TAFA5: variants seen among roughly 807,000 people sequenced by gnomAD.
TAFA5 encodes TAFA chemokine like family member 5, also known as chemokine-like protein TAFA-5.
A neutral mutation model predicts 15.3 loss-of-function variants in TAFA5; 6 were observed. The observed-to-expected ratio is 0.39, with a 90% CI of 0.21 to 0.77. TAFA5 has a LOEUF of 0.77. TAFA5 is among the 30% of genes least tolerant of loss of function. The probability of loss-of-function intolerance (pLI) is 0.41; values close to 1 mark genes in which losing one functional copy is unlikely to be tolerated. For missense variants in TAFA5, 161 were observed against 193.1 expected (o/e 0.83, Z 0.98); for synonymous variants, 103 against 80.7 (o/e 1.28, Z -1.48).
intron 2 of TAFA5, among the ~76,000 whole-genome samples, chr22:48,651,033 C>T (rs1481808155): frequency 1.3e-5 from 2 of 152,280 alleles, no homozygotes; most frequent in African/African-American, 4.8e-5. Flanking sequence ...CATGCAGTAC[C>T]TGGCTGTACC....
At chr22:48,537,969 T>C (rs1431715436) in intron 1 of TAFA5, among the ~76,000 whole-genome samples, 10 of 152,112 alleles carry the variant, frequency 6.6e-5, no homozygotes, top group African/African-American at 2.2e-4. Flanking sequence ...GGGGATGCCA[T>C]GGATCCAGGC....
chr22:48,496,308 C>T (rs1046811903), intron 1 of TAFA5, among the ~76,000 whole-genome samples: 2 of 145,378 alleles, frequency 1.4e-5, no homozygotes, highest in South Asian at 4.2e-4. Context: ...ACGGCATCTG[C>T]TGGGCAGTGA....
chr22:48,604,745 C>G (rs1925098068), intron 1 of TAFA5, among the ~76,000 whole-genome samples: 1 of 152,132 alleles, frequency 6.6e-6, no homozygotes, highest in South Asian at 2.1e-4. Context: ...TAATGTCCTC[C>G]AAGGAACAGG....
At chr22:48,516,005 C>T (rs1921392732) in intron 1 of TAFA5, among the ~76,000 whole-genome samples, 1 of 152,074 alleles carries the variant, frequency 6.6e-6, no homozygotes. Flanking sequence ...CAGCCTCACT[C>T]CCTGTGCGCC....
chr22:48,643,103 A>C (rs1926741052), intron 1 of TAFA5, among the ~76,000 whole-genome samples: 1 of 152,176 alleles, frequency 6.6e-6, no homozygotes, highest in Non-Finnish European at 1.5e-5. Flanking sequence ...CCAGGCATCC[A>C]CCTGCTGGGG....
At chr22:48,729,745 AT>A (rs1440922460) in intron 3 of TAFA5, among the ~76,000 whole-genome samples, 8 of 147,584 alleles carry the variant, frequency 5.4e-5, no homozygotes, top group Non-Finnish European at 9.0e-5. Context: ...ATAAATATAA[AT>A]TTAAATATGA....
chr22:48,611,483 G>A (rs890161826), intron 1 of TAFA5, among the ~76,000 whole-genome samples: 1 of 152,186 alleles, frequency 6.6e-6, no homozygotes, highest in Non-Finnish European at 1.5e-5. Context: ...CTCGGAACTT[G>A]ATCTTTGGGA....
At chr22:48,541,563 C>T (rs1261096695) in intron 1 of TAFA5, among the ~76,000 whole-genome samples, 3 of 152,188 alleles carry the variant, frequency 2.0e-5, no homozygotes, top group Admixed American at 2.0e-4. Context: ...GGCACATTCC[C>T]CAGCCCACCT....
chr22:48,623,675 G>A (rs1925931793), intron 1 of TAFA5, among the ~76,000 whole-genome samples: 2 of 152,226 alleles, frequency 1.3e-5, no homozygotes. Flanking sequence ...GGCCCAGCAC[G>A]CCCCATTTAA....
At chr22:48,647,968 C>T (rs941410081) in intron 2 of TAFA5, among the ~76,000 whole-genome samples, 3 of 152,166 alleles carry the variant, frequency 2.0e-5, no homozygotes. Flanking sequence ...AGCTGCGGCC[C>T]GGTAGGGGCA....
At chr22:48,705,710 G>T (rs1929056682) in intron 2 of TAFA5, among the ~76,000 whole-genome samples, 1 of 152,246 alleles carries the variant, frequency 6.6e-6, no homozygotes, top group Admixed American at 6.5e-5. Context: ...TATACCTGGA[G>T]CCGTGTGCAG....
intron 1 of TAFA5, among the ~76,000 whole-genome samples, chr22:48,504,364 C>A (rs7288475): frequency 0.1 from 15,757 of 152,236 alleles, 1,148 homozygotes; most frequent in East Asian, 0.35. Context: ...CCCATGGGGG[C>A]GCTGCCCTGC....
At chr22:48,597,952 C>A (rs1449258636) in intron 1 of TAFA5, among the ~76,000 whole-genome samples, 2 of 152,204 alleles carry the variant, frequency 1.3e-5, no homozygotes, top group Non-Finnish European at 1.5e-5. Flanking sequence ...GAGTCCCGGC[C>A]CTCCATGGTG....
At chr22:48,532,020 C>T (rs1921992088) in intron 1 of TAFA5, among the ~76,000 whole-genome samples, 1 of 152,244 alleles carries the variant, frequency 6.6e-6, no homozygotes, top group African/African-American at 2.4e-5. Flanking sequence ...GTCTGCACAG[C>T]TGGTCACTGT....
intron 1 of TAFA5, among the ~76,000 whole-genome samples, chr22:48,509,950 CAAAAAAAAAAAAAAAGAAAAAGAAAAAGA>C (rs1921150701): frequency 1.1e-5 from 1 of 91,274 alleles, no homozygotes. Context: ...GAATCTGTCT[CAAAAAAAAAAAAAAAGAAAAAGAAAAAGA>C]AAAAAGAAAA....
intron 1 of TAFA5, among the ~76,000 whole-genome samples, chr22:48,557,407 T>C (rs1280247731): frequency 3.3e-5 from 5 of 152,106 alleles, no homozygotes; most frequent in African/African-American, 9.7e-5. Flanking sequence ...ACCTTGACCC[T>C]GGACTCCCGG....
At chr22:48,605,216 G>A (rs201871782) in intron 1 of TAFA5, among the ~76,000 whole-genome samples, 1,623 of 74,912 alleles carry the variant, frequency 0.022, 2 homozygotes, top group South Asian at 0.037. Context: ...GGTGGTGATG[G>A]TGGTGATGGT....
At position 48,644,233 on chromosome 22, in the gene TAFA5, C is replaced by T. The variant is rs551322102; in HGVS notation, c.113-2364C>T. On this transcript the variant is annotated intron_variant, in intron 1 of 3. Coordinates refer to ENST00000402357, the MANE Select transcript of TAFA5 (RefSeq NM_001082967.3). ...CAGCCTTCGGGGAGGGGGCCCCGAG[C>T]GGGGGACCAGGGTTTTGCTCATCGT... 3.3e-4 allele frequency among the ~76,000 whole-genome samples: 51 copies of T among 152,294 alleles called. No homozygotes were observed. In the South Asian group the frequency reaches 4.1e-3, roughly 12 times the overall value.
chr22:48,640,059 G>A (rs1926617231), intron 1 of TAFA5, among the ~76,000 whole-genome samples: 2 of 152,222 alleles, frequency 1.3e-5, no homozygotes, highest in South Asian at 2.1e-4. Context: ...GCGTGCTGCA[G>A]CCCCTGAACC....
Sources: allele counts gnomAD v4.1 joint callset (sites outside exome capture counted in the v4.1 genomes callset), GRCh38; gene constraint gnomAD v4.1.1; transcripts MANE v1.5; gene names NCBI Gene and HGNC (gene_info 2026-07-23, HGNC 2026-07-21).